The following MYO9A variants were observed in gnomAD, a reference collection of about 807,000 sequenced individuals.
The protein encoded by MYO9A is unconventional myosin-IXa.
In MYO9A, 103 loss-of-function variants were observed where a neutral mutation model predicts 293.3. The observed-to-expected ratio is 0.35, with a 90% CI of 0.30 to 0.41. The LOEUF is 0.41. MYO9A is among the 10% of genes least tolerant of loss of function. The pLI, the probability that MYO9A is intolerant of heterozygous loss-of-function variation, is 1.00. For missense variants in MYO9A, 2,685 were observed against 3,033.0 expected (o/e 0.89, Z 2.69); for synonymous variants, 1,001 against 1,035.7 (o/e 0.97, Z 0.64).
intron 1 of MYO9A, among the ~76,000 whole-genome samples, chr15:72,082,667 G>A (rs2079584402): frequency 6.6e-6 from 1 of 151,912 alleles, no homozygotes; most frequent in Non-Finnish European, 1.5e-5. Flanking sequence ...TATGATGTTG[G>A]CTGTGGGTCT....
chr15:71,857,830 T>G (rs2055924370), intron 34 of MYO9A, among the ~76,000 whole-genome samples: 1 of 152,214 alleles, frequency 6.6e-6, no homozygotes, highest in Non-Finnish European at 1.5e-5. Flanking sequence ...ACCTACAGAA[T>G]GAGAGAAAAT....
chr15:72,066,829 C>A (rs1354994605), intron 1 of MYO9A, among the ~76,000 whole-genome samples: 1 of 151,714 alleles, frequency 6.6e-6, no homozygotes, highest in Non-Finnish European at 1.5e-5. Flanking sequence ...GCTGAGGTTG[C>A]ACCATTGCTC....
intron 2 of MYO9A, among the ~76,000 whole-genome samples, chr15:72,038,283 A>G (rs902911555): frequency 6.6e-6 from 1 of 152,200 alleles, no homozygotes; most frequent in African/African-American, 2.4e-5. Context: ...GTTCTGGGCC[A>G]TAAGTCTCAA....
chr15:72,042,375 T>C (rs1448892681), intron 2 of MYO9A, among the ~76,000 whole-genome samples: 2 of 151,988 alleles, frequency 1.3e-5, no homozygotes, highest in Non-Finnish European at 2.9e-5. Flanking sequence ...ATGTCCCTCA[T>C]GATGTAATTC....
chr15:71,929,745 T>C (rs1197083573), intron 18 of MYO9A, among the ~76,000 whole-genome samples: 2 of 152,236 alleles, frequency 1.3e-5, no homozygotes, highest in African/African-American at 4.8e-5. Flanking sequence ...CTGTGAATAG[T>C]GCTGCAATGA....
At chr15:72,043,178 C>T (rs903682806) in intron 2 of MYO9A, among the ~76,000 whole-genome samples, 1 of 151,976 alleles carries the variant, frequency 6.6e-6, no homozygotes, top group South Asian at 2.1e-4. Flanking sequence ...ATACTAGCAA[C>T]AAACAATTGA....
At position 71,850,256 on chromosome 15, in the gene MYO9A, A is replaced by G. The variant is rs143095248; in HGVS notation, c.6582-89T>C. On this transcript the variant is annotated intron_variant, in intron 37 of 41. Transcript: ENST00000356056. ...ATAGGCAGAAGAGATGAGCAAAAGA[A>G]GACAGTATGACATGAACTGCATAGT... is the stretch of plus-strand genomic sequence containing the variant. 5.1e-4 allele frequency: 753 copies of G among 1,468,856 alleles called. 4 individuals are homozygous for G. The African/African-American group carries it at 9.9e-3, about 19-fold the overall frequency. The allele number at this position is 1,468,856 out of a possible 1,614,324, so 91.0% of individuals were successfully genotyped here.
At position 71,897,780 on chromosome 15, in the gene MYO9A, CCAGTA is replaced by C; in HGVS notation, c.4718_4722del (p.Val1573GlyfsTer32). ...GCTGCATCTTTTAATGATAGGGACC[CCAGTA>C]CATTAAGTTCTCCCTTATTTGAGGT... On this transcript the variant is annotated frameshift_variant, in exon 25 of 42. Coordinates refer to ENST00000356056, the MANE Select transcript of MYO9A (RefSeq NM_006901.4). LOFTEE classifies it high-confidence loss of function. 1 of 1,613,966 alleles carries C rather than the reference CCAGTA, an allele frequency of 6.2e-7. No individual in the cohort carries two copies. Among genetic ancestry groups the C allele is most frequent in the Non-Finnish European group, 8.5e-7 (1 of 1,179,982 alleles).
chr15:71,953,062 GA>G lies in MYO9A; in HGVS notation c.2183-1167del, dbSNP rs529988997. Among the ~76,000 whole-genome samples the G allele has an allele frequency of 6.6e-5, 10 of 152,202 alleles. No individual in the cohort carries two copies. In the East Asian group the frequency reaches 1.7e-3, roughly 26 times the overall value. ...GGCTTTTAAAAAATAAAGTGAATTTGAAATATTTTTCATAATAAAAGTAACT... is the reference window on the plus strand; with the variant it reads ...GGCTTTTAAAAAATAAAGTGAATTTGAATATTTTTCATAATAAAAGTAACT... On this transcript the variant is annotated intron_variant, in intron 14 of 41. Transcript: ENST00000356056.
At chr15:72,060,825 G>A (rs1041154108) in intron 1 of MYO9A, among the ~76,000 whole-genome samples, 7 of 152,150 alleles carry the variant, frequency 4.6e-5, no homozygotes, top group Non-Finnish European at 8.8e-5. Flanking sequence ...CAGTGGACTT[G>A]AGGTGCACAT....
intron 3 of MYO9A, among the ~76,000 whole-genome samples, chr15:72,031,741 A>AC (rs973018202): frequency 1.1e-4 from 17 of 152,112 alleles, no homozygotes; most frequent in Admixed American, 9.8e-4. Context: ...CTATTTAAAA[A>AC]AAAAAAACTA....
At chr15:72,025,429 C>T (rs979668573) in intron 4 of MYO9A, among the ~76,000 whole-genome samples, 1 of 152,124 alleles carries the variant, frequency 6.6e-6, no homozygotes, top group Non-Finnish European at 1.5e-5. Context: ...GGCGAGACCT[C>T]GGCTCATTGC....
chr15:72,087,032 T>C (rs556000753), intron 1 of MYO9A, among the ~76,000 whole-genome samples: 14 of 152,190 alleles, frequency 9.2e-5, no homozygotes, highest in African/African-American at 3.1e-4. Flanking sequence ...TCCCAAAGTG[T>C]TGGGATTACA....
intron 2 of MYO9A, chr15:72,036,625 C>T (rs1371923912): frequency 1.3e-5 from 2 of 152,154 alleles, no homozygotes; most frequent in East Asian, 1.9e-4. Context: ...CCAAACTCCA[C>T]TTCCCCGAGA....
chr15:71,877,668 G>A (rs2056735989), intron 31 of MYO9A, among the ~76,000 whole-genome samples: 1 of 152,094 alleles, frequency 6.6e-6, no homozygotes, highest in African/African-American at 2.4e-5. Context: ...ATGTTGACCA[G>A]GCTGGTCTCG....
intron 1 of MYO9A, among the ~76,000 whole-genome samples, chr15:72,106,487 G>A (rs570948746): frequency 8.8e-4 from 134 of 152,296 alleles, no homozygotes; most frequent in Non-Finnish European, 1.5e-3. Context: ...CTGGGTGACA[G>A]AGCAAGACCT....
chr15:72,032,791 T>G (rs530573341), intron 2 of MYO9A, among the ~76,000 whole-genome samples: 4 of 152,212 alleles, frequency 2.6e-5, no homozygotes, highest in East Asian at 1.9e-4. Context: ...TGAAAGAAGA[T>G]CAAGTAGATT....
At chr15:71,928,997 T>C (rs2058402588) in intron 18 of MYO9A, among the ~76,000 whole-genome samples, 1 of 151,262 alleles carries the variant, frequency 6.6e-6, no homozygotes. Context: ...CTTGAACCCA[T>C]GAGTTCAAGG....
rs1038102968 is a variant in MYO9A at position 72,118,108 on chromosome 15, G to A, written c.-500C>T. 2 of 388,918 alleles carry A rather than the reference G, an allele frequency of 5.1e-6. No homozygotes were observed. Among genetic ancestry groups the A allele is most frequent in the Non-Finnish European group, 4.5e-6 (1 of 220,192 alleles). The allele number at this position is 388,918 out of a possible 1,614,324, so 24.1% of individuals were successfully genotyped here. ...CCCCCGACCCCGCGCACGCGGCCCC[G>A]CCCCGCGCGACTCCCCGGCTGCAGG... On this transcript the variant is annotated 5_prime_UTR_variant, in exon 1 of 42. Coordinates refer to ENST00000356056, the MANE Select transcript of MYO9A (RefSeq NM_006901.4).
Sources: gnomAD v4.1 joint callset for allele counts (sites outside exome capture counted in the v4.1 genomes callset) on GRCh38, gnomAD v4.1.1 for gene constraint, MANE v1.5 for transcripts, NCBI Gene and HGNC (gene_info 2026-07-23, HGNC 2026-07-21) for gene names.